GALNTL6: variants seen among roughly 807,000 people sequenced by gnomAD.
The protein encoded by GALNTL6 is polypeptide N-acetylgalactosaminyltransferase-like 6.
A neutral mutation model predicts 73.7 loss-of-function variants in GALNTL6; 46 were observed. The observed-to-expected ratio is 0.62, with a 90% CI of 0.49 to 0.80. The LOEUF (loss-of-function observed/expected upper bound fraction) is 0.80. Ranked by LOEUF, GALNTL6 falls within the 30% of genes least tolerant of loss-of-function variation. GALNTL6 has a pLI of 0.00. For synonymous variants in GALNTL6, 259 were observed against 263.7 expected (o/e 0.98, Z 0.17); for missense variants, 604 against 755.0 (o/e 0.80, Z 2.34).
chr4:171,894,117 T>C (rs553779925), intron 2 of GALNTL6, among the ~76,000 whole-genome samples: 2 of 152,328 alleles, frequency 1.3e-5, no homozygotes, highest in Non-Finnish European at 2.9e-5. Flanking sequence ...TCGGATGTAG[T>C]ATTAAGACTG....
chr4:172,448,093 G>C (rs1203640961), intron 5 of GALNTL6, among the ~76,000 whole-genome samples: 2 of 152,080 alleles, frequency 1.3e-5, no homozygotes, highest in African/African-American at 2.4e-5. Context: ...TCTTGCTCTA[G>C]TCATATGCAT....
At chr4:171,856,509 C>T (rs545277022) in intron 2 of GALNTL6, among the ~76,000 whole-genome samples, 4 of 152,246 alleles carry the variant, frequency 2.6e-5, no homozygotes, top group Non-Finnish European at 5.9e-5. Flanking sequence ...AACTCTGGCT[C>T]ACCTAGATTC....
chr4:172,442,903 C>T (rs1731882764), intron 5 of GALNTL6, among the ~76,000 whole-genome samples: 1 of 151,728 alleles, frequency 6.6e-6, no homozygotes, highest in East Asian at 1.9e-4. Context: ...GAGATGATAT[C>T]ACAAGGAAGC....
chr4:172,043,497 C>T (rs993154967), intron 2 of GALNTL6, among the ~76,000 whole-genome samples: 1 of 152,154 alleles, frequency 6.6e-6, no homozygotes, highest in Non-Finnish European at 1.5e-5. Flanking sequence ...TATTTACTCA[C>T]ATGTATACAC....
At chr4:172,384,878 T>G (rs1743406170) in intron 5 of GALNTL6, among the ~76,000 whole-genome samples, 1 of 152,084 alleles carries the variant, frequency 6.6e-6, no homozygotes, top group African/African-American at 2.4e-5. Flanking sequence ...TCTGAGTAAC[T>G]GAAATTATAG....
At chr4:172,496,761 C>A (rs1055103607) in intron 5 of GALNTL6, among the ~76,000 whole-genome samples, 10 of 151,980 alleles carry the variant, frequency 6.6e-5, no homozygotes, top group Admixed American at 6.6e-4. Context: ...AATGTAGTAG[C>A]GATACTGGTG....
At chr4:171,984,243 C>T (rs1364583581) in intron 2 of GALNTL6, among the ~76,000 whole-genome samples, 1 of 152,206 alleles carries the variant, frequency 6.6e-6, no homozygotes, top group Admixed American at 6.5e-5. Context: ...TTGCCACCTA[C>T]AGAGTCCAAT....
chr4:172,884,440 G>A (rs1745615738), intron 8 of GALNTL6, among the ~76,000 whole-genome samples: 1 of 152,102 alleles, frequency 6.6e-6, no homozygotes, highest in Non-Finnish European at 1.5e-5. Context: ...GTCTATTCAT[G>A]TATTATGCTC....
rs1464887881 is a variant in GALNTL6, at chr4:172,097,066, A to C, written c.139-132590A>C. ...TGCCAGGTTTCCAATCACTCTCAAC[A>C]ACTGAGTTTTCGAGAGCAGTGTGTA... is the stretch of plus-strand genomic sequence containing the variant. On this transcript the variant is annotated intron_variant, in intron 2 of 12. Coordinates refer to ENST00000506823, the MANE Select transcript of GALNTL6 (RefSeq NM_001034845.3). 3.3e-5 allele frequency among the ~76,000 whole-genome samples: 5 copies of C among 152,168 alleles called. 1 individual carries two copies. In the Middle Eastern group the frequency reaches 9.5e-3, roughly 289 times the overall value.
At chr4:172,459,702 G>A (rs528290576) in intron 5 of GALNTL6, among the ~76,000 whole-genome samples, 1 of 152,210 alleles carries the variant, frequency 6.6e-6, no homozygotes, top group Non-Finnish European at 1.5e-5. Context: ...CACTGCTCAA[G>A]GAAATAAGAG....
chr4:172,241,665 T>G (rs1241906147), intron 3 of GALNTL6, among the ~76,000 whole-genome samples: 1 of 152,228 alleles, frequency 6.6e-6, no homozygotes, highest in Admixed American at 6.5e-5. Context: ...AAACCAAATG[T>G]TAAGGCATTA....
At chr4:172,915,531 A>C (rs1747456726) in intron 8 of GALNTL6, among the ~76,000 whole-genome samples, 2 of 152,204 alleles carry the variant, frequency 1.3e-5, no homozygotes, top group South Asian at 2.1e-4. Context: ...AGAGAGAAGA[A>C]TCAAATAGAT....
At chr4:172,101,256 C>T (rs1488556686) in intron 2 of GALNTL6, among the ~76,000 whole-genome samples, 1 of 152,150 alleles carries the variant, frequency 6.6e-6, no homozygotes, top group Non-Finnish European at 1.5e-5. Flanking sequence ...GGAATCCTGC[C>T]TGGGTACTTT....
At chr4:172,894,917 C>A (rs752782647) in intron 8 of GALNTL6, among the ~76,000 whole-genome samples, 41 of 148,078 alleles carry the variant, frequency 2.8e-4, no homozygotes, top group Admixed American at 4.7e-4. Context: ...CTGAATTGAT[C>A]TCTTTATCAT....
chr4:172,825,122 CT>C (rs1560977583), intron 7 of GALNTL6, among the ~76,000 whole-genome samples: 12 of 84,526 alleles, frequency 1.4e-4, no homozygotes, highest in Non-Finnish European at 2.3e-4. Flanking sequence ...TTCTTTCTTT[CT>C]TTCTTTCTTC....
intron 3 of GALNTL6, among the ~76,000 whole-genome samples, chr4:172,246,999 A>T (rs186843395): frequency 3.3e-5 from 5 of 152,154 alleles, no homozygotes; most frequent in Admixed American, 3.3e-4. Context: ...TTTATAACAC[A>T]TGTGATCCGA....
chr4:172,307,257 C>T (rs1214425953), intron 3 of GALNTL6, among the ~76,000 whole-genome samples: 3 of 152,020 alleles, frequency 2.0e-5, no homozygotes, highest in Non-Finnish European at 4.4e-5. Flanking sequence ...GTATGTTAGT[C>T]CTTTGTCAGA....
intron 5 of GALNTL6, among the ~76,000 whole-genome samples, chr4:172,514,768 C>T (rs964564745): frequency 1.3e-5 from 2 of 152,180 alleles, no homozygotes; most frequent in Non-Finnish European, 2.9e-5. Flanking sequence ...CCAGGAGTGC[C>T]TACAGGGCTC....
At chr4:171,915,207 T>C (rs1398489935) in intron 2 of GALNTL6, among the ~76,000 whole-genome samples, 1 of 152,194 alleles carries the variant, frequency 6.6e-6, no homozygotes, top group Admixed American at 6.5e-5. Context: ...TTTATGTAAT[T>C]AATGAGCATT....
Sources: allele counts gnomAD v4.1 joint callset (sites outside exome capture counted in the v4.1 genomes callset), GRCh38; gene constraint gnomAD v4.1.1; transcripts MANE v1.5; gene names NCBI Gene and HGNC (gene_info 2026-07-23, HGNC 2026-07-21).